The following IQUB variants were observed in gnomAD, a reference collection of about 807,000 sequenced individuals.
IQUB encodes IQ motif and ubiquitin domain containing, also known as IQ motif and ubiquitin-like domain-containing protein.
In IQUB, 86 loss-of-function variants were observed where a neutral mutation model predicts 86.4. The ratio of observed to expected loss-of-function variants is 1.00; its 90% CI spans 0.84 to 1.19. IQUB has a LOEUF of 1.19. Among genes scored for constraint, IQUB ranks in the 50% most tolerant of loss-of-function variants. The pLI, the probability that IQUB is intolerant of heterozygous loss-of-function variation, is 0.00. For missense variants in IQUB, 946 were observed against 916.9 expected, an observed-to-expected ratio of 1.03 and a Z score of -0.41; for synonymous variants, 289 against 304.5, an observed-to-expected ratio of 0.95 and a Z score of 0.53.
At chr7:123,467,383 T>A (rs1212966512) in intron 9 of IQUB, among the ~76,000 whole-genome samples, 3 of 152,008 alleles carry the variant, frequency 2.0e-5, no homozygotes, top group Non-Finnish European at 4.4e-5. Context: ...TCTCCGACAA[T>A]TCCCTGTGCT....
In IQUB at chr7:123,452,306, AAAG is replaced by A. The variant is rs996323204; in HGVS notation, c.*434_*436del. Reference sequence around the variant, plus strand: ...AAATATAAATTTTTTTATCCTACTTAAAGAAGTTTTCAAGAAAGAGCACTTTAT... The same window carrying A: ...AAATATAAATTTTTTTATCCTACTTAAAGTTTTCAAGAAAGAGCACTTTAT... On this transcript the variant is annotated 3_prime_UTR_variant, in exon 13 of 13. Transcript: ENST00000324698. The A allele has an allele frequency of 2.0e-5, 3 of 152,526 alleles. No individual in the cohort carries two copies. The highest frequency in any genetic ancestry group is 6.5e-5 in the Admixed American group (1 of 15,312). The allele number at this position is 152,526 out of a possible 1,614,324, so 9.4% of individuals were successfully genotyped here.
intron 7 of IQUB, among the ~76,000 whole-genome samples, chr7:123,486,497 G>T (rs953003590): frequency 3.3e-5 from 5 of 152,136 alleles, no homozygotes; most frequent in African/African-American, 9.7e-5. Flanking sequence ...CTGTGAATGT[G>T]ACTTAGCCTT....
At chr7:123,491,058 AGAAAGATATCT>A (rs1428727189) in intron 7 of IQUB, among the ~76,000 whole-genome samples, 1 of 152,156 alleles carries the variant, frequency 6.6e-6, no homozygotes, top group Non-Finnish European at 1.5e-5. Flanking sequence ...AATCAATAAC[AGAAAGATATCT>A]GAAAAATCCC....
intron 7 of IQUB, among the ~76,000 whole-genome samples, chr7:123,494,419 T>A (rs1795623806): frequency 6.6e-6 from 1 of 152,100 alleles, no homozygotes; most frequent in Admixed American, 6.6e-5. Context: ...GTTATGAATA[T>A]GAAATGAAGA....
At chr7:123,510,621 TAAG>T (rs1240267970) in intron 2 of IQUB, among the ~76,000 whole-genome samples, 1 of 152,138 alleles carries the variant, frequency 6.6e-6, no homozygotes, top group Non-Finnish European at 1.5e-5. Flanking sequence ...GGAGAAGATG[TAAG>T]AAGAAGTAGT....
At chr7:123,523,899 TC>T (rs1388813917) in intron 1 of IQUB, among the ~76,000 whole-genome samples, 1 of 152,178 alleles carries the variant, frequency 6.6e-6, no homozygotes, top group Admixed American at 6.5e-5. Context: ...AAGGAAGGGA[TC>T]CAGTTTCAGC....
chr7:123,529,724 TA>T (rs753026777), intron 1 of IQUB, among the ~76,000 whole-genome samples: 40 of 35,822 alleles, frequency 1.1e-3, no homozygotes, highest in African/African-American at 1.6e-3. Flanking sequence ...TGTCTCTACT[TA>T]AAAAAAAAAA....
intron 11 of IQUB, among the ~76,000 whole-genome samples, chr7:123,459,089 A>G (rs1793857687): frequency 6.6e-6 from 1 of 151,788 alleles, no homozygotes; most frequent in South Asian, 2.1e-4. Context: ...AAGGGGGGGG[A>G]AGCTACTGGA....
At chr7:123,487,005 A>T (rs1417263000) in intron 7 of IQUB, among the ~76,000 whole-genome samples, 3 of 152,124 alleles carry the variant, frequency 2.0e-5, no homozygotes, top group African/African-American at 7.2e-5. Flanking sequence ...GTAATCCCCA[A>T]AATTGGGGGA....
In IQUB at chr7:123,502,656, G is replaced by C; in HGVS notation, c.964C>G (p.Leu322Val). Residue 322 changes from leucine (L) to valine (V), a missense_variant, in exon 6 of 13, where the codon CTG becomes GTG. By Grantham distance (32) the Leu-to-Val change is conservative. Transcript: ENST00000324698. Reference sequence around the variant, plus strand: ...GAAAAATACTTTCCTGGTGTTACCAGTTTATCAGTCATATTTGATACATAT... The same window carrying C: ...GAAAAATACTTTCCTGGTGTTACCACTTTATCAGTCATATTTGATACATAT... Reference protein sequence around the residue: ...GVYVSNMTDKLVTPGKYFSAA... With the variant: ...GVYVSNMTDKVVTPGKYFSAA... 1 of 1,612,812 alleles carries C rather than the reference G, an allele frequency of 6.2e-7. No homozygotes were observed. Among genetic ancestry groups the C allele is most frequent in the Non-Finnish European group, 8.5e-7 (1 of 1,179,274 alleles).
At chr7:123,457,143 A>G in intron 12 of IQUB, 1 of 969,586 alleles carries the variant, frequency 1.0e-6, no homozygotes, top group African/African-American at 1.8e-5. Flanking sequence ...TAAACTTACT[A>G]TTAGGAGAGA....
chr7:123,491,012 T>C (rs1237397404), intron 7 of IQUB, among the ~76,000 whole-genome samples: 6 of 150,076 alleles, frequency 4.0e-5, no homozygotes, highest in African/African-American at 1.5e-4. Context: ...CCTCAAATTA[T>C]ACAAAATTAC....
At chr7:123,458,997 A>G (rs1793851377) in intron 11 of IQUB, among the ~76,000 whole-genome samples, 1 of 151,998 alleles carries the variant, frequency 6.6e-6, no homozygotes, top group African/African-American at 2.4e-5. Context: ...AAGATTTACT[A>G]TTTATGAGAA....
At chr7:123,458,679 T>C (rs1310967426) in intron 11 of IQUB, among the ~76,000 whole-genome samples, 1 of 152,058 alleles carries the variant, frequency 6.6e-6, no homozygotes, top group East Asian at 1.9e-4. Flanking sequence ...AATTGTATCA[T>C]ACAGAATAAC....
intron 6 of IQUB, among the ~76,000 whole-genome samples, chr7:123,497,828 G>A (rs1795768072): frequency 6.6e-6 from 1 of 151,090 alleles, no homozygotes; most frequent in Non-Finnish European, 1.5e-5. Flanking sequence ...GAGGCCAGTA[G>A]AATTAATTGA....
intron 8 of IQUB, among the ~76,000 whole-genome samples, chr7:123,473,881 A>G (rs1794646425): frequency 6.6e-6 from 1 of 151,924 alleles, no homozygotes; most frequent in African/African-American, 2.4e-5. Context: ...CACCATGCCC[A>G]GCCAAGTTTT....
At chr7:123,532,026 T>C (rs772045745) in intron 1 of IQUB, among the ~76,000 whole-genome samples, 3 of 152,206 alleles carry the variant, frequency 2.0e-5, no homozygotes, top group Non-Finnish European at 1.5e-5. Context: ...AACTATTTGA[T>C]GATAATAATT....
chr7:123,502,686 C>A lies in IQUB; in HGVS notation c.934G>T (p.Gly312Cys). ...NTTSTQMTNI[G>C]VYVSNMTDKL... ...TCAGTCATATTTGATACATATACAC[C>A]AATGTTAGTCATCTGTGTGGATGTT... The change falls in exon 6 of 13, where the codon GGT (glycine) becomes TGT (cysteine). Residue 312 changes from glycine (G) to cysteine (C), a missense_variant. By Grantham distance (159) the Gly-to-Cys change is radical. Coordinates refer to ENST00000324698, the MANE Select transcript of IQUB (RefSeq NM_178827.5). 6.2e-7 allele frequency: 1 copy of A among 1,609,156 alleles called. No homozygotes were observed. Among genetic ancestry groups the A allele is most frequent in the East Asian group, 2.2e-5 (1 of 44,808 alleles).
chr7:123,491,933 G>A (rs569757666), intron 7 of IQUB, among the ~76,000 whole-genome samples: 1 of 152,300 alleles, frequency 6.6e-6, no homozygotes, highest in Non-Finnish European at 1.5e-5. Context: ...GGCAAATCAA[G>A]TCTGACAATA....
Sources: allele counts gnomAD v4.1 joint callset (sites outside exome capture counted in the v4.1 genomes callset), GRCh38; gene constraint gnomAD v4.1.1; transcripts MANE v1.5; gene names NCBI Gene and HGNC (gene_info 2026-07-23, HGNC 2026-07-21).